Variants in FCAR observed in about 807,000 individuals in gnomAD.
FCAR encodes immunoglobulin alpha Fc receptor.
Under a neutral mutation model 27.1 loss-of-function variants are expected in FCAR, and 21 were observed. The ratio of observed to expected loss-of-function variants is 0.77; its 90% confidence interval spans 0.55 to 1.11. FCAR has a LOEUF of 1.11. Ranked by LOEUF, FCAR falls within the 50% of genes most tolerant of loss-of-function variation. The pLI is 0.00. For synonymous variants in FCAR, 134 were observed against 135.8 expected (o/e 0.99, Z 0.09); for missense variants, 404 against 358.4 (o/e 1.13, Z -1.03).
rs762426689 is a variant in FCAR at position 54,889,795 on chromosome 19, C to A, written c.796C>A (p.Pro266Thr). 9.3e-6 allele frequency: 15 copies of A among 1,612,982 alleles called. No homozygotes were observed. The South Asian group carries it at 1.4e-4, about 15-fold the overall frequency. The change falls in exon 5 of 5, where the codon CCG (proline) becomes ACG (threonine). Residue 266 changes from proline (P) to threonine (T), a missense_variant. Physicochemically the swap from Pro to Thr is conservative, Grantham distance 38 (BLOSUM62 -1). Coordinates refer to ENST00000355524, the MANE Select transcript of FCAR (RefSeq NM_002000.4). ...GGAAGCCTCGGCAGATGTGGCTGAA[C>A]CGAGCTGGAGCCAACAGATGTGTCA... ...NKEASADVAE[P>T]SWSQQMCQPG... is the part of the protein sequence containing the mutation.
chr19:54,890,929 G>A lies in FCAR; in HGVS notation c.*1066G>A, dbSNP rs2067045809. On this transcript the variant is annotated 3_prime_UTR_variant, in exon 5 of 5. Coordinates refer to ENST00000355524, the MANE Select transcript of FCAR (RefSeq NM_002000.4). ...TGTGTTCATCTACAAATTGATAAGA[G>A]TGAAAGTCATAATCCTACAGGAGGA... The A allele has an allele frequency of 6.6e-6, 1 of 152,050 alleles. No homozygotes were observed. Among genetic ancestry groups the A allele is most frequent in the African/African-American group, 2.4e-5 (1 of 41,394 alleles). The allele number at this position is 152,050 out of a possible 1,614,324, so 9.4% of individuals were successfully genotyped here. A position where few individuals can be genotyped will look rare whatever the true frequency, so the allele number is the denominator to read the frequency against.
At chr19:54,883,236 C>T (rs947237272) in intron 2 of FCAR, among the ~76,000 whole-genome samples, 1 of 149,696 alleles carries the variant, frequency 6.7e-6, no homozygotes, top group South Asian at 2.1e-4. Flanking sequence ...AGGCTGGTCT[C>T]AAACTCCTGG....
chr19:54,874,284 A>C lies in FCAR; in HGVS notation c.-6A>C. 6.2e-7 allele frequency: 1 copy of C among 1,614,190 alleles called. No homozygotes were observed. The highest frequency in any genetic ancestry group is 8.5e-7 in the Non-Finnish European group (1 of 1,180,006). On this transcript the variant is annotated 5_prime_UTR_variant, in exon 1 of 5. Transcript: ENST00000355524. The stretch of plus-strand genomic sequence containing the variant: ...AGAGCAACGGGGCTGAGGCCGTGTC[A>C]GCACGATGGACCCCAAACAGACCAC...
rs766191819 is a variant in FCAR, at chr19:54,885,439, C to T, written c.275C>T (p.Ala92Val). 15 of 1,613,656 alleles carry T rather than the reference C, an allele frequency of 9.3e-6. No individual in the cohort carries two copies. The East Asian group carries it at 3.1e-4, about 34-fold the overall frequency. ...GAGTTCGTCATTGACCACATGGACG[C>T]AAACAAGGCAGGGCGCTATCAGTGC... is the stretch of plus-strand genomic sequence containing the variant. The part of the protein sequence containing the change: ...DPEFVIDHMD[A>V]NKAGRYQCQY... The change falls in exon 3 of 5, where the codon GCA becomes GTA. Residue 92 changes from alanine to valine, a missense_variant. Physicochemically the swap from Ala to Val is moderately conservative, Grantham distance 64. Transcript: ENST00000355524.
intron 2 of FCAR, among the ~76,000 whole-genome samples, chr19:54,877,412 G>T (rs1161982673): frequency 6.6e-6 from 1 of 152,130 alleles, no homozygotes; most frequent in Non-Finnish European, 1.5e-5. Context: ...ATTCTCTGAT[G>T]ATTGTATTTC....
At chr19:54,878,165 C>A (rs1003117301) in intron 2 of FCAR, among the ~76,000 whole-genome samples, 2 of 152,194 alleles carry the variant, frequency 1.3e-5, no homozygotes, top group East Asian at 3.9e-4. Context: ...GATCCGCCAG[C>A]CTTGGCTTCC....
chr19:54,885,628 T>A, intron 3 of FCAR, 103 bp downstream of exon 3: 1 of 870,878 alleles, frequency 1.1e-6, no homozygotes, highest in Non-Finnish European at 1.7e-6. Context: ...AAAAAATTGA[T>A]GATTGCTTCA....
At chr19:54,887,919 A>G (rs894831504) in intron 3 of FCAR, 88 bp from the exon 4 acceptor site, 27 of 1,137,266 alleles carry the variant, frequency 2.4e-5, no homozygotes, top group Non-Finnish European at 3.0e-5. Flanking sequence ...CTCCATCTCA[A>G]AAAAATATAT....
At chr19:54,887,754 T>C (rs1347750102) in intron 3 of FCAR, among the ~76,000 whole-genome samples, 1 of 151,056 alleles carries the variant, frequency 6.6e-6, no homozygotes, top group Non-Finnish European at 1.5e-5. Flanking sequence ...CCGTCTCTAC[T>C]AAAAATACAA....
At chr19:54,882,445 TTC>T (rs1556707253) in intron 2 of FCAR, among the ~76,000 whole-genome samples, 3 of 145,108 alleles carry the variant, frequency 2.1e-5, no homozygotes, top group African/African-American at 7.5e-5. Context: ...TCTTTTTTTT[TTC>T]TTTTTTGTGG....
At chr19:54,882,000 C>T (rs1183647768) in intron 2 of FCAR, among the ~76,000 whole-genome samples, 1 of 152,232 alleles carries the variant, frequency 6.6e-6, no homozygotes, top group Non-Finnish European at 1.5e-5. Flanking sequence ...AGGCAGAACC[C>T]TTGCCATGGC....
intron 3 of FCAR, among the ~76,000 whole-genome samples, chr19:54,887,616 ATC>A (rs1274017717): frequency 6.8e-6 from 1 of 146,350 alleles, no homozygotes. Flanking sequence ...GTGAGACTCC[ATC>A]TCAAAAAACA....
chr19:54,879,081 T>G (rs1397634268), intron 2 of FCAR, among the ~76,000 whole-genome samples: 2 of 151,844 alleles, frequency 1.3e-5, no homozygotes, highest in Non-Finnish European at 2.9e-5. Context: ...TTCATCACAT[T>G]GGCCAGGCTA....
At chr19:54,885,909 C>G (rs587611038) in intron 3 of FCAR, among the ~76,000 whole-genome samples, 1 of 152,066 alleles carries the variant, frequency 6.6e-6, no homozygotes, top group Admixed American at 6.6e-5. Flanking sequence ...GTCAGGAGTT[C>G]GAGACCAGCC....
intron 2 of FCAR, among the ~76,000 whole-genome samples, chr19:54,880,183 C>T (rs777009714): frequency 1.3e-5 from 2 of 152,254 alleles, no homozygotes; most frequent in African/African-American, 2.4e-5. Flanking sequence ...CCATCTCTTT[C>T]GGGGATGCCA....
intron 2 of FCAR, among the ~76,000 whole-genome samples, chr19:54,882,308 G>A (rs758864884): frequency 1.3e-5 from 2 of 152,224 alleles, no homozygotes; most frequent in Non-Finnish European, 2.9e-5. Flanking sequence ...CAATTTCGAA[G>A]AGCGTCCTGG....
chr19:54,874,487 C>T (rs942706393), intron 1 of FCAR, among the ~76,000 whole-genome samples, 164 bp downstream of exon 1: 1 of 152,198 alleles, frequency 6.6e-6, no homozygotes, highest in Non-Finnish European at 1.5e-5. Flanking sequence ...AACTTTGTCT[C>T]TACCCAAGCC....
Position 54,890,126 on chromosome 19 carries a change from G to C in FCAR, c.*263G>C, listed in dbSNP as rs587763431. On this transcript the variant is annotated 3_prime_UTR_variant, in exon 5 of 5. Transcript: ENST00000355524. ...ATACCACTGCACCCAGCTAATTTTT[G>C]TATTTTTAGTAGAGATGGGGTTTCA... 932 of 501,240 alleles carry C rather than the reference G, an allele frequency of 1.9e-3. 3 individuals are homozygous for C. Among genetic ancestry groups the C allele is most frequent in the Non-Finnish European group, 2.4e-3 (657 of 279,496 alleles). 31.0% of individuals were successfully genotyped at this position (501,240 alleles called of 1,614,324 possible).
chr19:54,880,935 C>G (rs1400987899), intron 2 of FCAR: 1 of 152,216 alleles, frequency 6.6e-6, no homozygotes, highest in Non-Finnish European at 1.5e-5. Flanking sequence ...TCATGATTGC[C>G]GCTGTGCTCC....
Sources: gnomAD v4.1 joint callset for allele counts (sites outside exome capture counted in the v4.1 genomes callset) on GRCh38, gnomAD v4.1.1 for gene constraint, MANE v1.5 for transcripts, NCBI Gene and HGNC (gene_info 2026-07-23, HGNC 2026-07-21) for gene names.